Variants in NME6 observed in about 807,000 individuals in gnomAD.
NME6 encodes the protein nucleoside diphosphate kinase 6, mitochondrial.
NME6 carries 16 observed loss-of-function variants against 22.2 expected under a neutral mutation model. The ratio of observed to expected loss-of-function variants is 0.72; its 90% CI spans 0.49 to 1.09. The LOEUF (loss-of-function observed/expected upper bound fraction) is 1.09. NME6 is among the 50% of genes least tolerant of loss of function. The pLI is 0.00. For missense variants in NME6, 229 were observed against 239.0 expected, an observed-to-expected ratio of 0.96 and a Z score of 0.28; for synonymous variants, 58 against 85.2, an observed-to-expected ratio of 0.68 and a Z score of 1.76.
At chr3:48,292,193 G>A (rs188908704), downstream of NME6, 4 of 152,392 alleles carry the variant, frequency 2.6e-5, no homozygotes, top group East Asian at 5.8e-4. Context: ...GTGGACCTGG[G>A]TGCTGGGTGT....
chr3:48,299,563 GTA>G (rs2035479402), intron 1 of NME6, among the ~76,000 whole-genome samples: 1 of 146,674 alleles, frequency 6.8e-6, no homozygotes, highest in African/African-American at 2.4e-5. Context: ...ACATATGTGT[GTA>G]TGTGTGTGTG....
At chr3:48,296,224 TCTAC>T in intron 3 of NME6, 66 bp from the exon 4 acceptor site, 1 of 1,608,008 alleles carries the variant, frequency 6.2e-7, no homozygotes, top group Non-Finnish European at 8.5e-7. Flanking sequence ...TTTCTGTACT[TCTAC>T]CTCCTTACCT....
At chr3:48,288,398 T>A (rs1221921052), downstream of NME6, among the ~76,000 whole-genome samples, 7 of 149,592 alleles carry the variant, frequency 4.7e-5, no homozygotes, top group Non-Finnish European at 8.9e-5. Flanking sequence ...AAAAAAAAAA[T>A]TTAGAGATGG....
At chr3:48,299,201 C>T (rs1472716606) in intron 1 of NME6, 1 of 487,822 alleles carries the variant, frequency 2.0e-6, no homozygotes, top group East Asian at 3.1e-5. Context: ...GTGCCTGACA[C>T]AAAGGTGCTT....
At chr3:48,291,683 C>T (rs1311787249), downstream of NME6, 1 of 153,352 alleles carries the variant, frequency 6.5e-6, no homozygotes, top group African/African-American at 2.4e-5. Context: ...CTGCGCCCAG[C>T]CTATTTTTAG....
chr3:48,296,914 G>T, intron 2 of NME6, 85 bp from the exon 3 acceptor site: 1 of 998,590 alleles, frequency 1.0e-6, no homozygotes, highest in Non-Finnish European at 1.5e-6. Context: ...TTGTTGCTCA[G>T]GACCTGAGGG....
chr3:48,294,538 A>G lies in NME6; in HGVS notation c.*99T>C, dbSNP rs1242433726. 44 of 1,301,764 alleles carry G rather than the reference A, an allele frequency of 3.4e-5. No individual in the cohort carries two copies. Among genetic ancestry groups the G allele is most frequent in the Non-Finnish European group, 5.4e-6 (5 of 929,342 alleles). 80.6% of individuals were successfully genotyped at this position (1,301,764 alleles called of 1,614,324 possible). On this transcript the variant is annotated 3_prime_UTR_variant, in exon 6 of 6. Coordinates refer to ENST00000442597, the MANE Select transcript of NME6 (RefSeq NM_001308426.2). Reference sequence around the variant, plus strand: ...AGGCAGGTGGTGGTGCCCAGCAGAAATGGCACTGTAAGCCAGGCTTCCCTG... The same window carrying G: ...AGGCAGGTGGTGGTGCCCAGCAGAAGTGGCACTGTAAGCCAGGCTTCCCTG...
At chr3:48,291,419 C>A, downstream of NME6, 1 of 362,486 alleles carries the variant, frequency 2.8e-6, no homozygotes, top group South Asian at 2.2e-5. Flanking sequence ...GTCTCACTGT[C>A]ACCCAGGCTG....
chr3:48,298,640 A>G, intron 1 of NME6, 117 bp from the exon 2 acceptor site: 1 of 667,188 alleles, frequency 1.5e-6, no homozygotes, highest in East Asian at 2.7e-5. Flanking sequence ...ACTCATAAAG[A>G]ACCTGACAGT....
rs1310655307 is a variant in NME6, at chr3:48,292,688, T to C, written c.*1949A>G. 1.3e-5 allele frequency: 2 copies of C among 152,298 alleles called. No homozygotes were observed. The allele number at this position is 152,298 out of a possible 1,614,324, so 9.4% of individuals were successfully genotyped here. On this transcript the variant is annotated 3_prime_UTR_variant, in exon 6 of 6. Coordinates refer to ENST00000442597, the MANE Select transcript of NME6 (RefSeq NM_001308426.2). The stretch of plus-strand genomic sequence containing the variant: ...GCCTCAGCCTCCCGAGTAGCTGGAT[T>C]ACAGGCTCGCGCCACCACGCTTGGC...
In NME6 at chr3:48,292,373, G is replaced by A. The variant is rs1179415737; in HGVS notation, c.*2264C>T. Reference sequence around the variant, plus strand: ...TTTCTCCCTTTCCATATTTGTGGGAGCCAGGTTTTTATGAGACAATTTTAT... The same window carrying A: ...TTTCTCCCTTTCCATATTTGTGGGAACCAGGTTTTTATGAGACAATTTTAT... On this transcript the variant is annotated 3_prime_UTR_variant, in exon 6 of 6. Transcript: ENST00000442597. The A allele has an allele frequency of 6.6e-6, 1 of 152,188 alleles. No individual in the cohort carries two copies. The highest frequency in any genetic ancestry group is 1.9e-4 in the East Asian group (1 of 5,200). 9.4% of individuals were successfully genotyped at this position (152,188 alleles called of 1,614,324 possible). A position where few individuals can be genotyped will look rare whatever the true frequency, so the allele number is the denominator to read the frequency against.
At chr3:48,294,994 G>T in intron 5 of NME6, 81 bp downstream of exon 5, 1 of 1,518,548 alleles carries the variant, frequency 6.6e-7, no homozygotes. Context: ...AAAGCTCACT[G>T]GAGGGACCTG....
downstream of NME6, among the ~76,000 whole-genome samples, chr3:48,289,906 T>G (rs952035709): frequency 1.3e-5 from 2 of 152,196 alleles, no homozygotes; most frequent in Non-Finnish European, 2.9e-5. Flanking sequence ...GTTATGAGCT[T>G]ATATGAAGTG....
At chr3:48,297,172 T>C (rs1474465454) in intron 2 of NME6, among the ~76,000 whole-genome samples, 3 of 152,248 alleles carry the variant, frequency 2.0e-5, no homozygotes. Context: ...AGAAACTCTA[T>C]AATTGACACG....
chr3:48,291,094 T>G, downstream of NME6: 1 of 290,554 alleles, frequency 3.4e-6, no homozygotes, highest in South Asian at 3.6e-5. Context: ...AGGGATACAC[T>G]TGGCATATAG....
chr3:48,297,202 T>A (rs1057209993), intron 2 of NME6, among the ~76,000 whole-genome samples: 5 of 152,184 alleles, frequency 3.3e-5, no homozygotes, highest in African/African-American at 1.2e-4. Flanking sequence ...GGTCAGAAGG[T>A]GTTAAGTAGT....
intron 5 of NME6, 127 bp from the exon 6 acceptor site, chr3:48,294,930 T>C: frequency 7.2e-7 from 1 of 1,395,892 alleles, no homozygotes; most frequent in Non-Finnish European, 9.8e-7. Flanking sequence ...GTAAAGAAAG[T>C]CCACAGGCCA....
downstream of NME6, among the ~76,000 whole-genome samples, chr3:48,289,488 G>A (rs1370843830): frequency 6.6e-6 from 1 of 152,284 alleles, no homozygotes; most frequent in African/African-American, 2.4e-5. Flanking sequence ...GGTCGCTTGG[G>A]CCAGGATGGA....
rs2034803679 is a variant in NME6, at chr3:48,294,182, C to T, written c.*455G>A. The stretch of plus-strand genomic sequence containing the variant: ...CTCTGCCTCCCAGGTTCAAGCAATT[C>T]TCCTGCCTCAGCCTCTGAGTAGCTG... On this transcript the variant is annotated 3_prime_UTR_variant, in exon 6 of 6. Transcript: ENST00000442597. 6.5e-6 allele frequency: 1 copy of T among 152,774 alleles called. No homozygotes were observed. The highest frequency in any genetic ancestry group is 2.4e-5 in the African/African-American group (1 of 41,292). The allele number at this position is 152,774 out of a possible 1,614,324, so 9.5% of individuals were successfully genotyped here.
Sources: gnomAD v4.1 joint callset for allele counts (sites outside exome capture counted in the v4.1 genomes callset) on GRCh38, gnomAD v4.1.1 for gene constraint, MANE v1.5 for transcripts, NCBI Gene and HGNC (gene_info 2026-07-23, HGNC 2026-07-21) for gene names.